The following DACH1 variants were observed in gnomAD, a reference collection of about 807,000 sequenced individuals.
DACH1 encodes dachshund homolog 1.
In DACH1, 12 loss-of-function variants were observed where a neutral mutation model predicts 54.2. That is an observed-to-expected ratio of 0.22 (90% confidence interval 0.14 to 0.36). DACH1 has a LOEUF of 0.36. Among genes scored for constraint, DACH1 ranks in the 10% least tolerant of loss-of-function variants. The pLI is 1.00. For synonymous variants in DACH1, 386 were observed against 366.2 expected (o/e 1.05, Z -0.62); for missense variants, 805 against 929.8 (o/e 0.87, Z 1.75).
chr13:71,741,033 A>T (rs1884359317), intron 1 of DACH1, among the ~76,000 whole-genome samples: 1 of 152,182 alleles, frequency 6.6e-6, no homozygotes, highest in Non-Finnish European at 1.5e-5. Flanking sequence ...TACTCTCAAG[A>T]TAAAACAGTA....
rs990165485 is a variant in DACH1, at chr13:71,440,071, T to C, written c.*584A>G. 1 of 152,118 alleles carries C rather than the reference T, an allele frequency of 6.6e-6. No homozygotes were observed. The highest frequency in any genetic ancestry group is 1.5e-5 in the Non-Finnish European group (1 of 67,910). 9.4% of individuals were successfully genotyped at this position (152,118 alleles called of 1,614,324 possible). ...TGTCAACATCCATTTGTTGGTCTTT[T>C]GGAAAGTATGTGAAAAAAAATTCTT... On this transcript the variant is annotated 3_prime_UTR_variant, in exon 11 of 11. Transcript: ENST00000613252.
At chr13:71,656,280 T>C (rs1879083832) in intron 2 of DACH1, among the ~76,000 whole-genome samples, 1 of 152,220 alleles carries the variant, frequency 6.6e-6, no homozygotes, top group Admixed American at 6.5e-5. Context: ...CATGCCCAAA[T>C]TATACTTCTA....
chr13:71,583,916 T>C (rs1873043437), intron 3 of DACH1, among the ~76,000 whole-genome samples: 1 of 152,200 alleles, frequency 6.6e-6, no homozygotes, highest in Admixed American at 6.5e-5. Context: ...ATATTCTCCA[T>C]TGTAAAATAC....
At chr13:71,717,234 A>T (rs532951250) in intron 1 of DACH1, among the ~76,000 whole-genome samples, 205 of 152,316 alleles carry the variant, frequency 1.3e-3, no homozygotes, top group Admixed American at 4.3e-3. Flanking sequence ...TTTAAATGTC[A>T]GTCAAATAAT....
At chr13:71,641,373 T>C (rs1566399849) in intron 2 of DACH1, among the ~76,000 whole-genome samples, 1 of 151,974 alleles carries the variant, frequency 6.6e-6, no homozygotes. Context: ...TGGTTAACAA[T>C]AGGAACAGAG....
intron 1 of DACH1, among the ~76,000 whole-genome samples, chr13:71,702,571 G>C (rs938969044): frequency 6.6e-5 from 10 of 152,004 alleles, no homozygotes; most frequent in Admixed American, 6.6e-4. Context: ...CATTGAACTT[G>C]TATAATAATA....
rs1873791479 is a variant in DACH1 at position 71,439,230 on chromosome 13, TTCATA to T, written c.*1420_*1424del. ...ATAAAATGTATAGTGACCGTACTGA[TTCATA>T]TCAGTCTTTAAAGGTGTAATTCCAG... is the stretch of plus-strand genomic sequence containing the variant. On this transcript the variant is annotated 3_prime_UTR_variant, in exon 11 of 11. Coordinates refer to ENST00000613252, the MANE Select transcript of DACH1 (RefSeq NM_080759.6). The T allele has an allele frequency of 6.6e-6, 1 of 152,432 alleles. No individual in the cohort carries two copies. The highest frequency in any genetic ancestry group is 1.5e-5 in the Non-Finnish European group (1 of 67,894). The allele number at this position is 152,432 out of a possible 1,614,324, so 9.4% of individuals were successfully genotyped here.
At chr13:71,798,376 A>AT (rs555217369) in intron 1 of DACH1, among the ~76,000 whole-genome samples, 20 of 120,326 alleles carry the variant, frequency 1.7e-4, no homozygotes, top group Non-Finnish European at 3.4e-4. Context: ...ATTACCTATA[A>AT]TTTTTTTTCA....
chr13:71,818,104 C>T (rs563576581), intron 1 of DACH1, among the ~76,000 whole-genome samples: 47 of 152,230 alleles, frequency 3.1e-4, no homozygotes, highest in Non-Finnish European at 8.8e-5. Flanking sequence ...TGAGCCACCG[C>T]ACCCAGCCAT....
intron 10 of DACH1, among the ~76,000 whole-genome samples, chr13:71,457,282 T>C (rs1375340989): frequency 6.6e-6 from 1 of 152,008 alleles, no homozygotes; most frequent in Non-Finnish European, 1.5e-5. Context: ...AACAATATCA[T>C]GAAAAATACA....
chr13:71,498,637 T>C (rs1879643844), intron 6 of DACH1, among the ~76,000 whole-genome samples: 1 of 135,374 alleles, frequency 7.4e-6, no homozygotes, highest in Admixed American at 8.2e-5. Context: ...TTAGATGATG[T>C]GAGTTGAAAG....
chr13:71,486,812 TTATCTATCTATCTATCTATC>T (rs4053561), intron 7 of DACH1, among the ~76,000 whole-genome samples: 2,883 of 41,792 alleles, frequency 0.069, 112 homozygotes, highest in African/African-American at 0.12. Flanking sequence ...ATTTATTTAT[TTATCTATCTATCTATCTATC>T]TATCTATCTA....
chr13:71,816,962 A>G (rs1294836480), intron 1 of DACH1, among the ~76,000 whole-genome samples: 2 of 152,102 alleles, frequency 1.3e-5, no homozygotes, highest in African/African-American at 4.8e-5. Context: ...AATGGGTACT[A>G]GGCTTGATGA....
Position 71,549,778 on chromosome 13 carries a change from C to A in DACH1, c.1570+7246G>T, listed in dbSNP as rs560644412. Among the ~76,000 whole-genome samples the A allele has an allele frequency of 4.6e-5, 7 of 152,090 alleles. No individual in the cohort carries two copies. In the East Asian group the frequency reaches 1.3e-3, roughly 29 times the overall value. On this transcript the variant is annotated intron_variant, in intron 6 of 10. Transcript: ENST00000613252. ...AGTAGTTCAAAGACAGAATTCCTAC[C>A]CATCAGAGGGAATCTTGTTTGATTT... is the stretch of plus-strand genomic sequence containing the variant.
At chr13:71,549,054 G>C (rs1883639621) in intron 6 of DACH1, among the ~76,000 whole-genome samples, 1 of 151,774 alleles carries the variant, frequency 6.6e-6, no homozygotes, top group Non-Finnish European at 1.5e-5. Context: ...CTATCAACTG[G>C]AAACTAGCAA....
At chr13:71,562,444 C>T (rs1344286424) in intron 4 of DACH1, among the ~76,000 whole-genome samples, 1 of 151,962 alleles carries the variant, frequency 6.6e-6, no homozygotes, top group Non-Finnish European at 1.5e-5. Context: ...GACAAACATA[C>T]ATCCCAGATA....
intron 1 of DACH1, among the ~76,000 whole-genome samples, chr13:71,776,983 C>T (rs1886091345): frequency 6.6e-6 from 1 of 152,130 alleles, no homozygotes; most frequent in Non-Finnish European, 1.5e-5. Flanking sequence ...TGATAAGCAT[C>T]CTCAAAGCAC....
rs924335591 is a variant in DACH1, at chr13:71,821,350, C to G, written c.848+44572G>C. ...GGTTTTCAAAGTCCCTCCTGTGTGC[C>G]TCAGTTCTCTCATCTGCAAATTGGG... is the stretch of plus-strand genomic sequence containing the variant. On this transcript the variant is annotated intron_variant, in intron 1 of 10. Transcript: ENST00000613252. 1.9e-4 allele frequency among the ~76,000 whole-genome samples: 27 copies of G among 142,218 alleles called. No individual in the cohort carries two copies. The Middle Eastern group carries it at 0.011, about 59-fold the overall frequency. The allele number at this position is 142,218 out of a possible 152,430, so 93.3% of individuals were successfully genotyped here.
intron 10 of DACH1, among the ~76,000 whole-genome samples, chr13:71,464,277 G>A (rs1466970756): frequency 1.3e-5 from 2 of 151,838 alleles, no homozygotes; most frequent in Non-Finnish European, 2.9e-5. Flanking sequence ...CTAAATCGCT[G>A]TATGTATTTG....
Sources: gnomAD v4.1 joint callset for allele counts (sites outside exome capture counted in the v4.1 genomes callset) on GRCh38, gnomAD v4.1.1 for gene constraint, MANE v1.5 for transcripts, NCBI Gene and HGNC (gene_info 2026-07-23, HGNC 2026-07-21) for gene names.